Variants in KSR2 observed in about 807,000 individuals in gnomAD.
KSR2 encodes the protein kinase suppressor of ras 2.
Under a neutral mutation model 107.8 loss-of-function variants are expected in KSR2, and 25 were observed. The observed-to-expected ratio is 0.23, with a 90% CI of 0.17 to 0.32. The LOEUF is 0.32. Among genes scored for constraint, KSR2 ranks in the 10% least tolerant of loss-of-function variants. The pLI is 1.00. For missense variants in KSR2, 887 were observed against 1,268.9 expected (o/e 0.70, Z 4.57); for synonymous variants, 480 against 507.0 (o/e 0.95, Z 0.71).
intron 4 of KSR2, among the ~76,000 whole-genome samples, chr12:117,751,999 T>A (rs142886984): frequency 6.6e-6 from 1 of 152,328 alleles, no homozygotes; most frequent in Non-Finnish European, 1.5e-5. Flanking sequence ...GATTTGTAGG[T>A]GTGTGCTAGT....
chr12:117,642,988 G>C (rs115889335), intron 5 of KSR2, among the ~76,000 whole-genome samples: 3,412 of 152,232 alleles, frequency 0.022, 127 homozygotes, highest in African/African-American at 0.077. Flanking sequence ...TTTTAGACAG[G>C]ATTCTTTTAG....
At chr12:117,859,963 C>T (rs1418008833) in intron 2 of KSR2, among the ~76,000 whole-genome samples, 1 of 152,170 alleles carries the variant, frequency 6.6e-6, no homozygotes, top group Non-Finnish European at 1.5e-5. Context: ...CTACCACAGC[C>T]GGCAGCACAG....
chr12:117,798,492 G>A (rs1890712386), intron 3 of KSR2, among the ~76,000 whole-genome samples: 1 of 152,062 alleles, frequency 6.6e-6, no homozygotes, highest in Non-Finnish European at 1.5e-5. Flanking sequence ...AATTAGCTGG[G>A]CATGGTGGCA....
At chr12:117,700,929 A>G (rs1313303555) in intron 4 of KSR2, among the ~76,000 whole-genome samples, 1 of 152,154 alleles carries the variant, frequency 6.6e-6, no homozygotes, top group Non-Finnish European at 1.5e-5. Context: ...ATTTCTATCC[A>G]TTTCTCAACA....
chr12:117,723,213 C>T (rs1221387717), intron 4 of KSR2, among the ~76,000 whole-genome samples: 1 of 152,182 alleles, frequency 6.6e-6, no homozygotes, highest in African/African-American at 2.4e-5. Flanking sequence ...CTGCTTTAAG[C>T]TCTTCCAGCC....
chr12:117,499,794 A>G (rs1327732771), intron 14 of KSR2, among the ~76,000 whole-genome samples: 2 of 152,150 alleles, frequency 1.3e-5, no homozygotes, highest in Non-Finnish European at 2.9e-5. Context: ...TGTGTAGCTG[A>G]TAAGAGACAA....
chr12:117,607,745 G>A (rs567759924), intron 5 of KSR2, among the ~76,000 whole-genome samples: 1 of 152,036 alleles, frequency 6.6e-6, no homozygotes, highest in African/African-American at 2.4e-5. Context: ...GGGTGACAGT[G>A]CCAGGTGTTT....
At chr12:117,811,805 C>T (rs1168784997) in intron 3 of KSR2, among the ~76,000 whole-genome samples, 2 of 152,196 alleles carry the variant, frequency 1.3e-5, no homozygotes, top group Admixed American at 1.3e-4. Context: ...GAGGACAGCT[C>T]TAAATTTGGT....
At chr12:117,880,444 G>C (rs1315925649) in intron 1 of KSR2, among the ~76,000 whole-genome samples, 1 of 151,840 alleles carries the variant, frequency 6.6e-6, no homozygotes. Context: ...AGATCTCCTG[G>C]GAAAAAGCAC....
chr12:117,901,767 C>T (rs570346186), intron 1 of KSR2, among the ~76,000 whole-genome samples: 2 of 152,240 alleles, frequency 1.3e-5, no homozygotes, highest in South Asian at 4.1e-4. Context: ...TATTCCTAGA[C>T]CTGCGAGGCC....
intron 7 of KSR2, among the ~76,000 whole-genome samples, chr12:117,575,717 ATCTTCAT>A (rs1271157836): frequency 6.6e-6 from 1 of 152,226 alleles, no homozygotes; most frequent in Non-Finnish European, 1.5e-5. Context: ...AGCATGTCAG[ATCTTCAT>A]GTTTTGAATT....
At chr12:117,702,055 C>A (rs1315493083) in intron 4 of KSR2, among the ~76,000 whole-genome samples, 4 of 152,226 alleles carry the variant, frequency 2.6e-5, no homozygotes, top group Non-Finnish European at 5.9e-5. Context: ...GCCGCACCAT[C>A]CTTCCTTGTC....
At chr12:117,906,409 G>A (rs1048523166) in intron 1 of KSR2, among the ~76,000 whole-genome samples, 1 of 145,764 alleles carries the variant, frequency 6.9e-6, no homozygotes, top group African/African-American at 2.6e-5. Context: ...AGGAGTTCGA[G>A]ACCAGCCTGG....
intron 5 of KSR2, among the ~76,000 whole-genome samples, chr12:117,611,195 C>G (rs1021456210): frequency 6.6e-6 from 1 of 152,100 alleles, no homozygotes; most frequent in Admixed American, 6.5e-5. Context: ...TCTCTCTTGC[C>G]TCTCTTCCTC....
chr12:117,793,927 CA>C (rs1890433784), intron 3 of KSR2, among the ~76,000 whole-genome samples: 1 of 139,900 alleles, frequency 7.1e-6, no homozygotes, highest in African/African-American at 2.7e-5. Flanking sequence ...CATGCACACA[CA>C]CCATGCACAC....
chr12:117,663,635 C>G (rs1175420923), intron 5 of KSR2, among the ~76,000 whole-genome samples: 2 of 152,194 alleles, frequency 1.3e-5, no homozygotes, highest in Non-Finnish European at 2.9e-5. Context: ...AGAAAATAGA[C>G]TCAAGAGGTT....
At position 117,879,030 on chromosome 12, in the gene KSR2, G is replaced by A. The variant is rs1286283871; in HGVS notation, c.181-18599C>T. 3.9e-5 allele frequency among the ~76,000 whole-genome samples: 6 copies of A among 152,010 alleles called. No individual in the cohort carries two copies. The South Asian group carries it at 1.0e-3, about 26-fold the overall frequency. On this transcript the variant is annotated intron_variant, in intron 1 of 19. Coordinates refer to ENST00000339824, the MANE Select transcript of KSR2 (RefSeq NM_173598.6). ...CCACCGAAATCACTGGTCATTATGC[G>A]ACCTCAGGCAATCAGGGAATTCAAC... is the stretch of plus-strand genomic sequence containing the variant.
chr12:117,678,983 G>GT (rs1276195906), intron 4 of KSR2, among the ~76,000 whole-genome samples: 6 of 152,144 alleles, frequency 3.9e-5, no homozygotes, highest in Admixed American at 3.9e-4. Flanking sequence ...GGAAAGACTG[G>GT]TATCACCCTC....
intron 3 of KSR2, among the ~76,000 whole-genome samples, chr12:117,849,624 A>C (rs2137200454): frequency 6.6e-6 from 1 of 152,334 alleles, no homozygotes; most frequent in African/African-American, 2.4e-5. Flanking sequence ...AAATAAAGAT[A>C]TCCCTAAAAC....
Sources: gnomAD v4.1 joint callset for allele counts (sites outside exome capture counted in the v4.1 genomes callset) on GRCh38, gnomAD v4.1.1 for gene constraint, MANE v1.5 for transcripts, NCBI Gene and HGNC (gene_info 2026-07-23, HGNC 2026-07-21) for gene names.